Variants in ST8SIA4 observed in about 807,000 individuals in gnomAD.
ST8SIA4 encodes the protein CMP-N-acetylneuraminate-poly-alpha-2,8-sialyltransferase.
ST8SIA4 carries 15 observed loss-of-function variants against 33.9 expected under a neutral mutation model. The ratio of observed to expected loss-of-function variants is 0.44; its 90% CI spans 0.30 to 0.68. The LOEUF is 0.68. Ranked by LOEUF, ST8SIA4 falls within the 30% of genes least tolerant of loss-of-function variation. The pLI is 0.10. For synonymous variants in ST8SIA4, 171 were observed against 151.2 expected, an observed-to-expected ratio of 1.13 and a Z score of -0.96; for missense variants, 321 against 428.0, an observed-to-expected ratio of 0.75 and a Z score of 2.21.
intron 2 of ST8SIA4, among the ~76,000 whole-genome samples, chr5:100,891,385 A>T (rs974719912): frequency 2.0e-5 from 3 of 152,102 alleles, no homozygotes; most frequent in South Asian, 2.1e-4. Context: ...CTACAAAAAA[A>T]CAGAGAGAAC....
intron 4 of ST8SIA4, among the ~76,000 whole-genome samples, chr5:100,834,145 T>C (rs1751316669): frequency 6.6e-6 from 1 of 152,142 alleles, no homozygotes; most frequent in Non-Finnish European, 1.5e-5. Flanking sequence ...TACACACACA[T>C]ATAATGTATA....
At chr5:100,876,899 T>C (rs1032615034) in intron 3 of ST8SIA4, among the ~76,000 whole-genome samples, 1 of 152,090 alleles carries the variant, frequency 6.6e-6, no homozygotes, top group African/African-American at 2.4e-5. Context: ...TGTAATGATA[T>C]TGACCAGGAC....
At chr5:100,851,717 A>C (rs1751702339) in intron 4 of ST8SIA4, among the ~76,000 whole-genome samples, 2 of 152,100 alleles carry the variant, frequency 1.3e-5, no homozygotes, top group Admixed American at 1.3e-4. Context: ...AATTCTCGTC[A>C]TAGTTTGATA....
At chr5:100,830,047 A>G (rs1215022041) in intron 4 of ST8SIA4, among the ~76,000 whole-genome samples, 1 of 152,238 alleles carries the variant, frequency 6.6e-6, no homozygotes, top group Non-Finnish European at 1.5e-5. Flanking sequence ...CATTTTTAAG[A>G]GTATACTCAT....
intron 4 of ST8SIA4, among the ~76,000 whole-genome samples, chr5:100,849,623 A>C (rs937022379): frequency 1.4e-5 from 1 of 70,946 alleles, no homozygotes; most frequent in Admixed American, 1.5e-4. Context: ...CCTTCCAAAA[A>C]TAGAGAAAAA....
intron 1 of ST8SIA4, among the ~76,000 whole-genome samples, chr5:100,900,990 G>C (rs1752896736): frequency 6.6e-6 from 1 of 152,180 alleles, no homozygotes; most frequent in African/African-American, 2.4e-5. Flanking sequence ...GCTTGAAAAG[G>C]ATGCGGGCAA....
intron 4 of ST8SIA4, among the ~76,000 whole-genome samples, chr5:100,839,129 T>G (rs923508575): frequency 6.6e-6 from 1 of 151,914 alleles, no homozygotes; most frequent in Non-Finnish European, 1.5e-5. Context: ...CACCCACCCA[T>G]TTAAAAATTT....
At chr5:100,868,933 G>GATT (rs1752138654) in intron 3 of ST8SIA4, among the ~76,000 whole-genome samples, 1 of 152,008 alleles carries the variant, frequency 6.6e-6, no homozygotes, top group South Asian at 2.1e-4. Context: ...CTTGTATAGG[G>GATT]ATTGACATCT....
At chr5:100,868,607 T>A (rs1321463889) in intron 3 of ST8SIA4, among the ~76,000 whole-genome samples, 2 of 152,052 alleles carry the variant, frequency 1.3e-5, no homozygotes, top group African/African-American at 2.4e-5. Context: ...TCATAACTAT[T>A]CCCTCCCCTA....
chr5:100,892,637 C>A (rs905020938), intron 2 of ST8SIA4, among the ~76,000 whole-genome samples: 1 of 151,902 alleles, frequency 6.6e-6, no homozygotes, highest in South Asian at 2.1e-4. Context: ...TTTTATTATG[C>A]GGACAATTAT....
At chr5:100,849,525 T>A (rs141447572) in intron 4 of ST8SIA4, 1 of 903,894 alleles carries the variant, frequency 1.1e-6, no homozygotes, top group African/African-American at 1.8e-5. Flanking sequence ...CTCACGCCTG[T>A]AATCCCCGCA....
intron 4 of ST8SIA4, among the ~76,000 whole-genome samples, chr5:100,834,389 T>C (rs1201234843): frequency 6.6e-6 from 1 of 152,198 alleles, no homozygotes; most frequent in Admixed American, 6.5e-5. Context: ...TCTATGAAAA[T>C]GCCTATAATT....
At chr5:100,872,398 A>G (rs1752215344) in intron 3 of ST8SIA4, among the ~76,000 whole-genome samples, 1 of 152,150 alleles carries the variant, frequency 6.6e-6, no homozygotes, top group Non-Finnish European at 1.5e-5. Context: ...GTAACTTTCT[A>G]TAGTCAGCCT....
At chr5:100,887,539 T>TAA (rs1752565788) in intron 2 of ST8SIA4, among the ~76,000 whole-genome samples, 1 of 152,010 alleles carries the variant, frequency 6.6e-6, no homozygotes, top group South Asian at 2.1e-4. Context: ...ACCTAATATA[T>TAA]AAATTGATAA....
chr5:100,844,898 G>T (rs1467442744), intron 4 of ST8SIA4, among the ~76,000 whole-genome samples: 1 of 152,042 alleles, frequency 6.6e-6, no homozygotes, highest in Non-Finnish European at 1.5e-5. Flanking sequence ...AAACAGAAAT[G>T]ACTCTTTCTT....
At chr5:100,856,891 G>T (rs1432821601) in intron 3 of ST8SIA4, among the ~76,000 whole-genome samples, 5 of 152,112 alleles carry the variant, frequency 3.3e-5, no homozygotes, top group African/African-American at 1.2e-4. Flanking sequence ...TACACACTGA[G>T]GTTAGGGGAA....
intron 4 of ST8SIA4, among the ~76,000 whole-genome samples, chr5:100,845,599 A>C (rs1751551611): frequency 6.6e-6 from 1 of 151,894 alleles, no homozygotes; most frequent in Non-Finnish European, 1.5e-5. Flanking sequence ...TAAAAGATTG[A>C]GCCTTGAAAG....
chr5:100,869,172 A>G (rs1752142724), intron 3 of ST8SIA4, among the ~76,000 whole-genome samples: 1 of 152,186 alleles, frequency 6.6e-6, no homozygotes, highest in African/African-American at 2.4e-5. Context: ...GTGAAGAACA[A>G]TTATAAGAAA....
At chr5:100,835,977 A>G (rs1173228244) in intron 4 of ST8SIA4, among the ~76,000 whole-genome samples, 1 of 152,094 alleles carries the variant, frequency 6.6e-6, no homozygotes, top group Non-Finnish European at 1.5e-5. Context: ...ACCAAAATTC[A>G]TTTATGTATT....
Sources: gnomAD v4.1 joint callset for allele counts (sites outside exome capture counted in the v4.1 genomes callset) on GRCh38, gnomAD v4.1.1 for gene constraint, MANE v1.5 for transcripts, NCBI Gene and HGNC (gene_info 2026-07-23, HGNC 2026-07-21) for gene names.